Variants in INTS8 observed in about 807,000 individuals in gnomAD.
INTS8 encodes integrator complex subunit 8, also known as protein kaonashi-1.
A neutral mutation model predicts 138.9 loss-of-function variants in INTS8; 47 were observed. The ratio of observed to expected loss-of-function variants is 0.34; its 90% CI spans 0.27 to 0.43. INTS8 has a LOEUF of 0.43. Ranked by LOEUF, INTS8 falls within the 20% of genes least tolerant of loss-of-function variation. The pLI, the probability that INTS8 is intolerant of heterozygous loss-of-function variation, is 1.00. For synonymous variants in INTS8, 392 were observed against 400.9 expected (o/e 0.98, Z 0.27); for missense variants, 996 against 1,173.0 (o/e 0.85, Z 2.20).
intron 10 of INTS8, among the ~76,000 whole-genome samples, chr8:94,842,908 A>G (rs951278391): frequency 1.3e-5 from 2 of 152,130 alleles, no homozygotes; most frequent in African/African-American, 2.4e-5. Context: ...GGATCACTCT[A>G]CTTCTTTCTT....
At chr8:94,845,662 G>C (rs7839728) in intron 10 of INTS8, among the ~76,000 whole-genome samples, 113,135 of 151,952 alleles carry the variant, frequency 0.74, 42,190 homozygotes, top group Middle Eastern at 0.79. Flanking sequence ...AGGGTTTCAC[G>C]ATATTGGCCA....
intron 26 of INTS8, among the ~76,000 whole-genome samples, chr8:94,879,222 C>T (rs997161831): frequency 3.3e-5 from 5 of 152,194 alleles, no homozygotes; most frequent in Non-Finnish European, 5.9e-5. Context: ...TTCTCCTATT[C>T]CCCAACTTCC....
chr8:94,861,794 G>T (rs953817684), intron 16 of INTS8, among the ~76,000 whole-genome samples: 5 of 151,362 alleles, frequency 3.3e-5, no homozygotes, highest in Admixed American at 2.0e-4. Flanking sequence ...CAGGTGATCC[G>T]CCCACCTCGG....
chr8:94,832,290 A>G, intron 6 of INTS8, 116 bp downstream of exon 6: 1 of 714,904 alleles, frequency 1.4e-6, no homozygotes, highest in Non-Finnish European at 2.3e-6. Flanking sequence ...AGATGCTATT[A>G]AAACTGCATT....
At position 94,881,405 on chromosome 8, in the gene INTS8, A is replaced by T; in HGVS notation, c.*1171A>T. The T allele has an allele frequency of 1.9e-6, 1 of 531,874 alleles. No individual in the cohort carries two copies. The highest frequency in any genetic ancestry group is 3.3e-6 in the Non-Finnish European group (1 of 303,210). The allele number at this position is 531,874 out of a possible 1,614,324, so 32.9% of individuals were successfully genotyped here. A position where few individuals can be genotyped will look rare whatever the true frequency, so the allele number is the denominator to read the frequency against. On this transcript the variant is annotated 3_prime_UTR_variant, in exon 27 of 27. Transcript: ENST00000523731. The stretch of plus-strand genomic sequence containing the variant: ...CTATCCAGTAACCTTGGGAATGAAG[A>T]CATCTTTGTAAACAAGTCCTGCTGT...
At chr8:94,826,828 G>A (rs1814524787) in intron 2 of INTS8, among the ~76,000 whole-genome samples, 2 of 152,072 alleles carry the variant, frequency 1.3e-5, no homozygotes, top group Admixed American at 1.3e-4. Flanking sequence ...CATTTAAGCC[G>A]GGCACGGTGG....
chr8:94,856,466 G>C (rs1815749060), intron 14 of INTS8, among the ~76,000 whole-genome samples: 1 of 151,996 alleles, frequency 6.6e-6, no homozygotes, highest in African/African-American at 2.4e-5. Flanking sequence ...GATGGAGGAG[G>C]GTGCTTGTTA....
Position 94,827,773 on chromosome 8 carries a change from C to T in INTS8, c.498C>T (p.Pro166=), listed in dbSNP as rs750330835. 4.3e-6 allele frequency: 7 copies of T among 1,613,808 alleles called. No homozygotes were observed. The East Asian group carries it at 6.7e-5, about 15-fold the overall frequency. ...GTTTTCCAGTCAAACAGGCAAAACC[C>T]GGACCCCCTCAGTTAAGTGTGTAAG... The part of the protein sequence containing the change: ...QSSFPVKQAK[P]GPPQLSVMNQ... Residue 166 remains proline, a synonymous_variant, in exon 4 of 27, where the codon CCC becomes CCT. Coordinates refer to ENST00000523731, the MANE Select transcript of INTS8 (RefSeq NM_017864.4).
intron 8 of INTS8, 57 bp from the exon 9 acceptor site, chr8:94,841,434 G>A (rs1815128855): frequency 2.5e-6 from 2 of 801,764 alleles, no homozygotes; most frequent in South Asian, 1.7e-5. Context: ...CTTGTTTAAA[G>A]TAAAAAAACT....
chr8:94,830,122 C>G (rs981472191), intron 5 of INTS8, among the ~76,000 whole-genome samples: 14 of 152,210 alleles, frequency 9.2e-5, no homozygotes, highest in African/African-American at 2.9e-4. Context: ...TCTCGAACTC[C>G]TGACCTCAAG....
At position 94,865,451 on chromosome 8, in the gene INTS8, T is replaced by A. The variant is rs1371917777; in HGVS notation, c.2077-55T>A. On this transcript the variant is annotated intron_variant, in intron 16 of 26. Transcript: ENST00000523731. ...CTCCAGTGTGCCTTGATAATAGAACTAATGTGCACGACATTACAGATTATC... is the reference window on the plus strand; with the variant it reads ...CTCCAGTGTGCCTTGATAATAGAACAAATGTGCACGACATTACAGATTATC... The A allele has an allele frequency of 2.8e-6, 4 of 1,423,226 alleles. No homozygotes were observed. The Admixed American group carries it at 7.3e-5, about 26-fold the overall frequency. 88.2% of individuals were successfully genotyped at this position (1,423,226 alleles called of 1,614,324 possible).
In INTS8 at chr8:94,823,399, A is replaced by T. The variant is rs1814353416; in HGVS notation, c.-33A>T. 6.6e-7 allele frequency: 1 copy of T among 1,513,010 alleles called. No individual in the cohort carries two copies. The highest frequency in any genetic ancestry group is 8.8e-7 in the Non-Finnish European group (1 of 1,132,914). The allele number at this position is 1,513,010 out of a possible 1,614,324, so 93.7% of individuals were successfully genotyped here. A position where few individuals can be genotyped will look rare whatever the true frequency, so the allele number is the denominator to read the frequency against. ...TCCAAGTGTCAGGTTGGAGCCGGGA[A>T]GCGGCCCTGGTGGTAGCGGCGGCGG... On this transcript the variant is annotated 5_prime_UTR_variant, in exon 1 of 27. In the 5' UTR this introduces an upstream ATG that the reference lacks. Coordinates refer to ENST00000523731, the MANE Select transcript of INTS8 (RefSeq NM_017864.4).
At chr8:94,880,070 C>T in intron 26 of INTS8, 48 bp from the exon 27 acceptor site, 1 of 1,346,132 alleles carries the variant, frequency 7.4e-7, no homozygotes, top group Non-Finnish European at 1.0e-6. Flanking sequence ...ACCAACAAAA[C>T]TTAATTTTTG....
Position 94,880,759 on chromosome 8 carries a change from T to G in INTS8, c.*525T>G. 1 of 397,272 alleles carries G rather than the reference T, an allele frequency of 2.5e-6. No individual in the cohort carries two copies. Among genetic ancestry groups the G allele is most frequent in the Non-Finnish European group, 4.4e-6 (1 of 225,360 alleles). 24.6% of individuals were successfully genotyped at this position (397,272 alleles called of 1,614,324 possible). A position where few individuals can be genotyped will look rare whatever the true frequency, so the allele number is the denominator to read the frequency against. ...AACATAAATAAAGCCTTAGTCACAC[T>G]AAATTAAAAAAAAAAATTCCTTAGG... On this transcript the variant is annotated 3_prime_UTR_variant, in exon 27 of 27. Transcript: ENST00000523731.
intron 1 of INTS8, among the ~76,000 whole-genome samples, chr8:94,824,401 A>G (rs565953484): frequency 4.1e-4 from 62 of 152,276 alleles, no homozygotes; most frequent in Non-Finnish European, 6.8e-4. Context: ...GGTGCCATGC[A>G]CTGTGCTTAA....
intron 10 of INTS8, 112 bp from the exon 11 acceptor site, chr8:94,849,350 G>A: frequency 1.5e-6 from 1 of 666,654 alleles, no homozygotes; most frequent in South Asian, 1.8e-5. Context: ...ATCTGTGATT[G>A]GTACATTGTT....
intron 13 of INTS8, among the ~76,000 whole-genome samples, chr8:94,852,869 A>G (rs1286205051): frequency 6.6e-6 from 1 of 152,090 alleles, no homozygotes; most frequent in Non-Finnish European, 1.5e-5. Context: ...CAGCCTCCCA[A>G]AGTGCTGGGA....
chr8:94,880,742 TAAAG>T lies in INTS8; in HGVS notation c.*509_*512del. On this transcript the variant is annotated 3_prime_UTR_variant, in exon 27 of 27. Transcript: ENST00000523731. ...ACCTTAACAGTTTCACAAACATAAA[TAAAG>T]CCTTAGTCACACTAAATTAAAAAAA... The T allele has an allele frequency of 2.5e-6, 1 of 396,890 alleles. No homozygotes were observed. Among genetic ancestry groups the T allele is most frequent in the Admixed American group, 4.4e-5 (1 of 22,694 alleles). The allele number at this position is 396,890 out of a possible 1,614,324, so 24.6% of individuals were successfully genotyped here.
At chr8:94,876,583 C>A in intron 26 of INTS8, 94 bp downstream of exon 26, 2 of 691,624 alleles carry the variant, frequency 2.9e-6, no homozygotes, top group East Asian at 2.8e-5. Flanking sequence ...TTTTGTGTAC[C>A]TAGTTACTGC....
Sources: gnomAD v4.1 joint callset for allele counts (sites outside exome capture counted in the v4.1 genomes callset) on GRCh38, gnomAD v4.1.1 for gene constraint, MANE v1.5 for transcripts, NCBI Gene and HGNC (gene_info 2026-07-23, HGNC 2026-07-21) for gene names.